CEP43: variants seen among roughly 807,000 people sequenced by gnomAD.
CEP43 encodes FGFR1 oncogene partner.
A neutral mutation model predicts 52.6 loss-of-function variants in CEP43; 36 were observed. The observed-to-expected ratio is 0.68, with a 90% CI of 0.52 to 0.90. The LOEUF is 0.90. CEP43 is among the 40% of genes least tolerant of loss of function. CEP43 has a pLI of 0.00. For missense variants in CEP43, 506 were observed against 472.8 expected (o/e 1.07, Z -0.65); for synonymous variants, 192 against 172.4 (o/e 1.11, Z -0.89).
At chr6:167,035,793 T>C (rs1780571739) in intron 12 of CEP43, among the ~76,000 whole-genome samples, 1 of 152,100 alleles carries the variant, frequency 6.6e-6, no homozygotes, top group Non-Finnish European at 1.5e-5. Flanking sequence ...GATCTTGATC[T>C]CCTGACCTCG....
At chr6:167,011,982 A>G (rs902905921) in intron 6 of CEP43, among the ~76,000 whole-genome samples, 4 of 152,156 alleles carry the variant, frequency 2.6e-5, no homozygotes, top group Non-Finnish European at 5.9e-5. Context: ...TCGGGTTTGT[A>G]TTCTTTGACT....
At chr6:166,999,640 G>A (rs1183694237) in intron 1 of CEP43, 126 bp downstream of exon 1, 3 of 619,672 alleles carry the variant, frequency 4.8e-6, no homozygotes, top group Non-Finnish European at 7.3e-6. Flanking sequence ...GGCACTGGGG[G>A]CGCGCCCCGG....
chr6:167,003,080 T>C, intron 2 of CEP43, 113 bp from the exon 3 acceptor site: 1 of 538,724 alleles, frequency 1.9e-6, no homozygotes, highest in Non-Finnish European at 3.2e-6. Context: ...AATTAACAGT[T>C]GTAGAATGGA....
intron 6 of CEP43, among the ~76,000 whole-genome samples, chr6:167,011,372 C>A (rs951428525): frequency 3.3e-5 from 5 of 151,806 alleles, no homozygotes; most frequent in African/African-American, 1.2e-4. Flanking sequence ...AATGTATGTA[C>A]TTTGGTTACA....
At chr6:167,018,633 G>T (rs1421541777) in intron 7 of CEP43, among the ~76,000 whole-genome samples, 1 of 152,040 alleles carries the variant, frequency 6.6e-6, no homozygotes, top group East Asian at 1.9e-4. Context: ...CTCATGATCC[G>T]CCTGCCTCGG....
rs1311142453 is a variant in CEP43, at chr6:167,042,778, T to G, written c.*2800T>G. 1 of 142,102 alleles carries G rather than the reference T, an allele frequency of 7.0e-6. No individual in the cohort carries two copies. Among genetic ancestry groups the G allele is most frequent in the African/African-American group, 2.5e-5 (1 of 39,262 alleles). 8.8% of individuals were successfully genotyped at this position (142,102 alleles called of 1,614,324 possible). A position where few individuals can be genotyped will look rare whatever the true frequency, so the allele number is the denominator to read the frequency against. ...ACTTGCATTTACCCCTTTTATTTTA[T>G]TCATCTCAGCATACTCTGAAATGGT... is the stretch of plus-strand genomic sequence containing the variant. On this transcript the variant is annotated 3_prime_UTR_variant, in exon 13 of 13. Transcript: ENST00000366847.
chr6:167,035,332 T>C (rs1780560869), intron 12 of CEP43, among the ~76,000 whole-genome samples: 1 of 152,162 alleles, frequency 6.6e-6, no homozygotes, highest in Non-Finnish European at 1.5e-5. Flanking sequence ...CAAAAGCATT[T>C]GTATTCTTTG....
intron 10 of CEP43, among the ~76,000 whole-genome samples, chr6:167,030,358 G>A (rs796208121): frequency 3.3e-5 from 5 of 152,284 alleles, no homozygotes; most frequent in East Asian, 3.9e-4. Flanking sequence ...TTTACTTAGC[G>A]CTTGCAAACC....
intron 4 of CEP43, chr6:167,004,038 G>T: frequency 3.4e-6 from 2 of 593,532 alleles, no homozygotes; most frequent in Non-Finnish European, 5.7e-6. Context: ...TGTTACTATA[G>T]AGTTAATTTT....
intron 2 of CEP43, among the ~76,000 whole-genome samples, chr6:167,002,454 C>T (rs1240587835): frequency 2.6e-5 from 4 of 152,170 alleles, no homozygotes; most frequent in Non-Finnish European, 4.4e-5. Context: ...CAAGTCTTTG[C>T]TTGGATCTGT....
chr6:167,040,095 C>G lies in CEP43; in HGVS notation c.*117C>G. ...TGCTCTCTATTGGTGCCTTGCATTT[C>G]AAAAACACTGCAGATATTTTTTAAA... On this transcript the variant is annotated 3_prime_UTR_variant, in exon 13 of 13. Transcript: ENST00000366847. 1 of 1,603,320 alleles carries G rather than the reference C, an allele frequency of 6.2e-7. No homozygotes were observed.
rs144782582 is a variant in CEP43 at position 167,031,409 on chromosome 6, G to T, written c.989-1194G>T. Among the ~76,000 whole-genome samples the T allele has an allele frequency of 4.3e-3, 658 of 152,306 alleles. 7 individuals are homozygous for T. Among genetic ancestry groups the T allele is most frequent in the African/African-American group, 0.015 (603 of 41,560 alleles). On this transcript the variant is annotated intron_variant, in intron 10 of 12. Coordinates refer to ENST00000366847, the MANE Select transcript of CEP43 (RefSeq NM_007045.4). ...TGTTCCACTGTTCCTCTTCACTAGA[G>T]TGTTTGCTCCCTGAGATCAGAGATA...
chr6:166,999,811 C>T (rs1779686963), intron 1 of CEP43: 1 of 555,286 alleles, frequency 1.8e-6, no homozygotes, highest in Non-Finnish European at 3.2e-6. Flanking sequence ...CGCAGCTGGG[C>T]CCTGGAGTGC....
Position 167,042,558 on chromosome 6 carries a change from C to CAGCAGTGGGCTGGCA in CEP43, c.*2580_*2581insAGCAGTGGGCTGGCA. 1.2e-5 allele frequency: 2 copies of CAGCAGTGGGCTGGCA among 170,074 alleles called. No homozygotes were observed. Among genetic ancestry groups the CAGCAGTGGGCTGGCA allele is most frequent in the Non-Finnish European group, 2.4e-5 (2 of 84,016 alleles). The allele number at this position is 170,074 out of a possible 1,614,324, so 10.5% of individuals were successfully genotyped here. A position where few individuals can be genotyped will look rare whatever the true frequency, so the allele number is the denominator to read the frequency against. ...CTCCTGCCCATGCACCAGAGCTGTG[C>CAGCAGTGGGCTGGCA]CAGCCCACTGCTGCACAGCCTCTGC... On this transcript the variant is annotated 3_prime_UTR_variant, in exon 13 of 13. Transcript: ENST00000366847.
chr6:167,016,928 C>A (rs990794771), intron 7 of CEP43, among the ~76,000 whole-genome samples: 1 of 151,366 alleles, frequency 6.6e-6, no homozygotes, highest in Non-Finnish European at 1.5e-5. Flanking sequence ...CAGATTCAGT[C>A]GTATGTAAAT....
chr6:167,032,519 AT>A lies in CEP43; in HGVS notation c.989-76del, dbSNP rs35469394. On this transcript the variant is annotated intron_variant, in intron 10 of 12. Coordinates refer to ENST00000366847, the MANE Select transcript of CEP43 (RefSeq NM_007045.4). Reference sequence around the variant, plus strand: ...CTTTTTAAATGATGCAATATAATTAATTTTTTTTAAGGAAATGTGTGTTTAA... The same window carrying A: ...CTTTTTAAATGATGCAATATAATTAATTTTTTTAAGGAAATGTGTGTTTAA... 141 of 1,262,618 alleles carry A rather than the reference AT, an allele frequency of 1.1e-4. No individual in the cohort carries two copies. The African/African-American group carries it at 1.5e-3, about 13-fold the overall frequency. The allele number at this position is 1,262,618 out of a possible 1,614,324, so 78.2% of individuals were successfully genotyped here.
intron 12 of CEP43, among the ~76,000 whole-genome samples, chr6:167,037,162 C>A (rs1461720355): frequency 6.6e-6 from 1 of 152,168 alleles, no homozygotes; most frequent in Non-Finnish European, 1.5e-5. Flanking sequence ...ATTCAGTTTT[C>A]TTTCTTGGTA....
rs148310593 is a variant in CEP43 at position 167,052,396 on chromosome 6, C to G, written c.*12418C>G. 6.6e-6 allele frequency: 1 copy of G among 152,280 alleles called. No individual in the cohort carries two copies. The highest frequency in any genetic ancestry group is 2.4e-5 in the African/African-American group (1 of 41,552). 9.4% of individuals were successfully genotyped at this position (152,280 alleles called of 1,614,324 possible). A position where few individuals can be genotyped will look rare whatever the true frequency, so the allele number is the denominator to read the frequency against. Reference sequence around the variant, plus strand: ...AAGGAAAAGTGTGTGAAAGGGGGCTCCACCTCCTTTAGTGGATACCCTGAG... The same window carrying G: ...AAGGAAAAGTGTGTGAAAGGGGGCTGCACCTCCTTTAGTGGATACCCTGAG... On this transcript the variant is annotated 3_prime_UTR_variant, in exon 13 of 13. Transcript: ENST00000366847.
intron 7 of CEP43, among the ~76,000 whole-genome samples, chr6:167,020,675 G>A (rs1276682836): frequency 6.6e-6 from 1 of 152,134 alleles, no homozygotes; most frequent in African/African-American, 2.4e-5. Flanking sequence ...TTGGGAGGCC[G>A]AGGCGGGTGG....
Sources: gnomAD v4.1 joint callset for allele counts (sites outside exome capture counted in the v4.1 genomes callset) on GRCh38, gnomAD v4.1.1 for gene constraint, MANE v1.5 for transcripts, NCBI Gene and HGNC (gene_info 2026-07-23, HGNC 2026-07-21) for gene names.